Variants in INTS11 observed in about 807,000 individuals in gnomAD.
INTS11 encodes the protein integrator complex subunit 11, also known as CPSF3-like protein.
In INTS11, 77 loss-of-function variants were observed where a neutral mutation model predicts 78.6. That is an observed-to-expected ratio of 0.98 (90% CI 0.81 to 1.18). The LOEUF (loss-of-function observed/expected upper bound fraction) is 1.18, where lower values mean the gene tolerates loss of function less well. INTS11 is among the 50% of genes most tolerant of loss of function. The pLI, the probability that INTS11 is intolerant of heterozygous loss-of-function variation, is 0.00. For missense variants in INTS11, 875 were observed against 825.9 expected (o/e 1.06, Z -0.73); for synonymous variants, 441 against 326.9 (o/e 1.35, Z -3.77).
Position 1,314,501 on chromosome 1 carries a change from G to A in INTS11, c.703-136C>T, listed in dbSNP as rs534625022. 6.3e-5 allele frequency: 48 copies of A among 757,894 alleles called. 1 individual carries two copies. Among genetic ancestry groups the A allele is most frequent in the South Asian group, 1.7e-4 (9 of 53,782 alleles). 46.9% of individuals were successfully genotyped at this position (757,894 alleles called of 1,614,324 possible). On this transcript the variant is annotated intron_variant, in intron 7 of 16. Transcript: ENST00000435064. This position sits in a 1 kb window ranked among gnomAD's most constrained non-coding sequence, Gnocchi z 4.2. Reference sequence around the variant, plus strand: ...TAGCCTCTCATCTGCTCCCAGTCCCGTCCCAGCCGCTCTCCAGAGACAGAA... The same window carrying A: ...TAGCCTCTCATCTGCTCCCAGTCCCATCCCAGCCGCTCTCCAGAGACAGAA...
At chr1:1,318,940 GCCCGGCAACAC>G (rs928964707) in intron 4 of INTS11, 2 of 717,002 alleles carry the variant, frequency 2.8e-6, no homozygotes, top group Non-Finnish European at 5.2e-6. Context: ...CTGCCTCCCT[GCCCGGCAACAC>G]CCCGGGAGCT....
At chr1:1,313,646 C>T (rs533508458) in intron 9 of INTS11, 54 bp from the exon 10 acceptor site, 5 of 1,610,976 alleles carry the variant, frequency 3.1e-6, no homozygotes, top group Non-Finnish European at 4.2e-6. Context: ...GCCCCCACCC[C>T]CACTGCAGGC....
intron 4 of INTS11, 45 bp from the exon 5 acceptor site, chr1:1,315,663 G>A: frequency 7.0e-7 from 1 of 1,418,492 alleles, no homozygotes; most frequent in Non-Finnish European, 9.8e-7. Context: ...TCACAGCAGA[G>A]GGGCGGGGAG....
rs779391005 is a variant in INTS11 at position 1,313,873 on chromosome 1, G to C, written c.816C>G (p.Thr272=). ...KVPIYFSTGL[T]EKANHYYKLF... ...GCTTGTAGTAGTGGTTGGCCTTCTC[G>C]GTCAGCCCCGTGGAGAAGTAGATGG... Residue 272 remains threonine, a synonymous_variant, in exon 9 of 17, where the codon ACC becomes ACG. Coordinates refer to ENST00000435064, the MANE Select transcript of INTS11 (RefSeq NM_017871.6). The C allele has an allele frequency of 1.9e-6, 3 of 1,613,160 alleles. No individual in the cohort carries two copies. Among genetic ancestry groups the C allele is most frequent in the Non-Finnish European group, 1.7e-6 (2 of 1,179,948 alleles).
rs752459259 is a variant in INTS11, at chr1:1,314,403, C to T, written c.703-38G>A. ...CAAGGCAGGAGCCCTGGGCACATGG[C>T]CCCTCGACACAGCAGGCAGCGTCCA... On this transcript the variant is annotated intron_variant, in intron 7 of 16. Coordinates refer to ENST00000435064, the MANE Select transcript of INTS11 (RefSeq NM_017871.6). This position sits in a 1 kb window ranked among gnomAD's most constrained non-coding sequence, Gnocchi z 4.2. 7.0e-6 allele frequency: 11 copies of T among 1,565,756 alleles called. No homozygotes were observed. The South Asian group carries it at 9.2e-5, about 13-fold the overall frequency.
chr1:1,323,055 G>A, intron 1 of INTS11: 2 of 1,459,452 alleles, frequency 1.4e-6, no homozygotes, highest in Non-Finnish European at 1.8e-6. Flanking sequence ...AGGACCCAGA[G>A]AGCAGGGGAG....
At chr1:1,315,462 T>C (rs770220676) in intron 5 of INTS11, 24 bp from the exon 6 acceptor site, 1 of 1,612,702 alleles carries the variant, frequency 6.2e-7, no homozygotes, top group Admixed American at 1.7e-5. Context: ...AAGGATGCCA[T>C]GAGGAGGGTG....
rs558521500 is a variant in INTS11, at chr1:1,314,845, C to T, written c.681G>A (p.Glu227=). 2.5e-6 allele frequency: 4 copies of T among 1,612,752 alleles called. 1 individual carries two copies. The South Asian group carries it at 3.3e-5, about 13-fold the overall frequency. Residue 227 remains glutamate (E), a synonymous_variant, in exon 7 of 17, where the codon GAG becomes GAA. Coordinates refer to ENST00000435064, the MANE Select transcript of INTS11 (RefSeq NM_017871.6). The surrounding 1 kb of genome is among the most constrained non-coding windows in gnomAD (Gnocchi z 4.2). ...CTACCTTCCCACCACGCTCCACGGT[C>T]TCGTGGACTTTCTTCAGGAAGTCTC... ...RERDFLKKVH[E]TVERGGKVLI... is the part of the protein sequence containing the mutation.
At chr1:1,312,196 A>AGGGGGGGGG (rs767334657) in intron 15 of INTS11, 30 bp downstream of exon 15, 4 of 1,137,904 alleles carry the variant, frequency 3.5e-6, no homozygotes, top group Non-Finnish European at 3.2e-6. Context: ...GGCCCAAGGG[A>AGGGGGGGGG]GTGGGGGGGG....
At position 1,314,612 on chromosome 1, in the gene INTS11, G is replaced by A. The variant is rs140397493; in HGVS notation, c.702+212C>T. 58 of 670,778 alleles carry A rather than the reference G, an allele frequency of 8.6e-5. No homozygotes were observed. The highest frequency in any genetic ancestry group is 5.8e-4 in the African/African-American group (32 of 55,142). 41.6% of individuals were successfully genotyped at this position (670,778 alleles called of 1,614,324 possible). On this transcript the variant is annotated intron_variant, in intron 7 of 16. Transcript: ENST00000435064. This position sits in a 1 kb window ranked among gnomAD's most constrained non-coding sequence, Gnocchi z 4.2. ...ACAGAAGGAGCCTGGCCAGGGCTTC[G>A]TCCGCACCTGAGGTAGGAGGGAAAA...
intron 1 of INTS11, 118 bp downstream of exon 1, chr1:1,324,463 G>A: frequency 9.2e-7 from 1 of 1,090,362 alleles, no homozygotes; most frequent in Non-Finnish European, 1.3e-6. Context: ...GGAGGAGACC[G>A]GAGGACGCCC....
At chr1:1,323,220 G>A in intron 1 of INTS11, 1 of 1,550,158 alleles carries the variant, frequency 6.5e-7, no homozygotes, top group Non-Finnish European at 8.7e-7. Context: ...TGGTGTCTGT[G>A]CTGGAAGGTG....
At chr1:1,319,100 G>A (rs755105272) in intron 4 of INTS11, 196 bp downstream of exon 4, 14 of 748,546 alleles carry the variant, frequency 1.9e-5, no homozygotes, top group Middle Eastern at 2.3e-4. Flanking sequence ...CTCCCGGGTC[G>A]GCGCCCAGTC....
intron 1 of INTS11, chr1:1,323,090 T>C (rs763151389): frequency 4.0e-6 from 6 of 1,500,464 alleles, no homozygotes; most frequent in Non-Finnish European, 5.4e-6. Flanking sequence ...TGCAAACAGC[T>C]GCAAAATGCC....
intron 4 of INTS11, chr1:1,317,845 TCCA>T (rs1390286880): frequency 1.3e-5 from 2 of 151,994 alleles, no homozygotes; most frequent in Non-Finnish European, 2.9e-5. Context: ...ATAAAGTAAA[TCCA>T]TTTGCAGGCA....
intron 1 of INTS11, among the ~76,000 whole-genome samples, chr1:1,323,710 C>T (rs1643104121): frequency 6.6e-6 from 1 of 151,130 alleles, no homozygotes; most frequent in South Asian, 2.1e-4. Context: ...AGTGCCCAGA[C>T]TGTCAGGACT....
chr1:1,324,051 G>T (rs1408263193), intron 1 of INTS11, among the ~76,000 whole-genome samples: 1 of 22,846 alleles, frequency 4.4e-5, no homozygotes, highest in Non-Finnish European at 9.1e-5. Flanking sequence ...TGGGGGGCTG[G>T]GGGGCTGAGG....
rs1570734472 is a variant in INTS11 at position 1,319,601 on chromosome 1, T to C, written c.201-77A>G. The C allele has an allele frequency of 1.4e-5, 14 of 1,031,942 alleles. No homozygotes were observed. The East Asian group carries it at 3.5e-4, about 26-fold the overall frequency. 63.9% of individuals were successfully genotyped at this position (1,031,942 alleles called of 1,614,324 possible). ...CCCCCGCTCTGGGCTTGTGGGTCACTGGCCCCTTCATTCGCCTGCTGTGCG... is the reference window on the plus strand; with the variant it reads ...CCCCCGCTCTGGGCTTGTGGGTCACCGGCCCCTTCATTCGCCTGCTGTGCG... On this transcript the variant is annotated intron_variant, in intron 3 of 16. Coordinates refer to ENST00000435064, the MANE Select transcript of INTS11 (RefSeq NM_017871.6).
chr1:1,321,644 G>C (rs964618357), intron 1 of INTS11, among the ~76,000 whole-genome samples: 2 of 152,224 alleles, frequency 1.3e-5, no homozygotes. Flanking sequence ...TGGTCCAGCA[G>C]TGGCCAGCGT....
Sources: gnomAD v4.1 joint callset for allele counts (sites outside exome capture counted in the v4.1 genomes callset) on GRCh38, gnomAD v4.1.1 for gene constraint, Gnocchi (gnomAD v3.1) non-coding constraint, MANE v1.5 for transcripts, NCBI Gene and HGNC (gene_info 2026-07-23, HGNC 2026-07-21) for gene names.